Variants in ZNF385D observed in about 807,000 individuals in gnomAD.
The protein encoded by ZNF385D is zinc finger protein 385D, also known as zinc finger protein 659.
ZNF385D carries 15 observed loss-of-function variants against 35.8 expected under a neutral mutation model. The ratio of observed to expected loss-of-function variants is 0.42; its 90% CI spans 0.28 to 0.64. The LOEUF is 0.64. Among genes scored for constraint, ZNF385D ranks in the 30% least tolerant of loss-of-function variants. The pLI is 0.23. For missense variants in ZNF385D, 474 were observed against 494.6 expected (o/e 0.96, Z 0.39); for synonymous variants, 212 against 186.8 (o/e 1.13, Z -1.10).
intron 4 of ZNF385D, among the ~76,000 whole-genome samples, chr3:21,488,006 C>T (rs1407626094): frequency 2.0e-5 from 3 of 152,080 alleles, no homozygotes; most frequent in African/African-American, 7.2e-5. Flanking sequence ...TCCTCAAGAG[C>T]TTCCACAATG....
At chr3:22,346,509 G>A (rs147295385) in intron 2 of ZNF385D, among the ~76,000 whole-genome samples, 13 of 152,196 alleles carry the variant, frequency 8.5e-5, no homozygotes, top group Non-Finnish European at 1.0e-4. Flanking sequence ...CAACTTACGA[G>A]TTTACAAATT....
intron 2 of ZNF385D, among the ~76,000 whole-genome samples, chr3:21,641,548 G>A (rs1006428148): frequency 2.7e-5 from 4 of 149,576 alleles, no homozygotes; most frequent in East Asian, 2.0e-4. Context: ...ACATCTCTCC[G>A]TTCTCTCTAT....
chr3:21,941,083 C>G (rs1376117440), intron 3 of ZNF385D, among the ~76,000 whole-genome samples: 1 of 152,124 alleles, frequency 6.6e-6, no homozygotes, highest in Non-Finnish European at 1.5e-5. Context: ...AAAGATGACA[C>G]AATTTAACAC....
chr3:22,231,710 G>A (rs1325522838), intron 2 of ZNF385D, among the ~76,000 whole-genome samples: 1 of 152,166 alleles, frequency 6.6e-6, no homozygotes, highest in East Asian at 1.9e-4. Flanking sequence ...CCTGGGGCAA[G>A]GAGCAGAGCA....
intron 4 of ZNF385D, among the ~76,000 whole-genome samples, chr3:21,457,426 G>A (rs898587795): frequency 5.9e-5 from 9 of 151,974 alleles, no homozygotes; most frequent in African/African-American, 2.2e-4. Flanking sequence ...CATGATCTCA[G>A]CTCACTGCAA....
intron 3 of ZNF385D, among the ~76,000 whole-genome samples, chr3:21,926,713 G>A (rs568360667): frequency 1.3e-5 from 2 of 152,226 alleles, no homozygotes; most frequent in South Asian, 4.1e-4. Context: ...GAAAACCTAG[G>A]CAATACCATT....
chr3:21,979,105 T>C (rs899562218), intron 3 of ZNF385D, among the ~76,000 whole-genome samples: 1 of 152,174 alleles, frequency 6.6e-6, no homozygotes, highest in Non-Finnish European at 1.5e-5. Context: ...CAATTTTTTT[T>C]CAATGGTGAC....
At chr3:22,097,260 A>G (rs1195578657) in intron 3 of ZNF385D, among the ~76,000 whole-genome samples, 1 of 152,046 alleles carries the variant, frequency 6.6e-6, no homozygotes, top group Non-Finnish European at 1.5e-5. Flanking sequence ...AGAGCAATAG[A>G]TAACTGAACT....
chr3:22,287,790 T>C (rs1349253357), intron 2 of ZNF385D, among the ~76,000 whole-genome samples: 1 of 152,074 alleles, frequency 6.6e-6, no homozygotes, highest in African/African-American at 2.4e-5. Context: ...AACTTACACA[T>C]TGCCATTATA....
At chr3:21,870,974 G>T (rs886383933) in intron 3 of ZNF385D, among the ~76,000 whole-genome samples, 1 of 152,074 alleles carries the variant, frequency 6.6e-6, no homozygotes, top group African/African-American at 2.4e-5. Context: ...AGATTTTTCA[G>T]ATGTAAAATG....
intron 3 of ZNF385D, among the ~76,000 whole-genome samples, chr3:21,923,293 C>G (rs1469102907): frequency 6.6e-6 from 1 of 151,426 alleles, no homozygotes; most frequent in Non-Finnish European, 1.5e-5. Context: ...AAATGCAAAT[C>G]AAAACCACAA....
intron 2 of ZNF385D, among the ~76,000 whole-genome samples, chr3:21,585,483 C>T (rs28369086): frequency 0.17 from 25,539 of 152,140 alleles, 2,178 homozygotes; most frequent in East Asian, 0.26. Context: ...TAACCATTTG[C>T]ATTTTGTAAA....
rs560952320 is a variant in ZNF385D at position 21,734,895 on chromosome 3, T to C, written c.22+16000A>G. On this transcript the variant is annotated intron_variant, in intron 1 of 7. Transcript: ENST00000281523. Reference sequence around the variant, plus strand: ...CATTAGGGATGATTATTGCATTTACTAGAGATAAATGATGCACACTGCTGA... The same window carrying C: ...CATTAGGGATGATTATTGCATTTACCAGAGATAAATGATGCACACTGCTGA... Among the ~76,000 whole-genome samples the C allele has an allele frequency of 2.6e-5, 4 of 152,198 alleles. No homozygotes were observed. In the East Asian group the frequency reaches 7.8e-4, roughly 29 times the overall value.
At chr3:21,512,145 CAAAAAAAAA>C (rs35276805) in intron 3 of ZNF385D, among the ~76,000 whole-genome samples, 2 of 90,352 alleles carry the variant, frequency 2.2e-5, no homozygotes, top group East Asian at 6.4e-4. Context: ...GACTCCATCT[CAAAAAAAAA>C]AAAAAAAAAA....
Position 21,937,780 on chromosome 3 carries a change from T to C in ZNF385D, c.325+231037A>G, listed in dbSNP as rs147213346. Among the ~76,000 whole-genome samples, 15 of 152,352 alleles carry C rather than the reference T, an allele frequency of 9.8e-5. No individual in the cohort carries two copies. The East Asian group carries it at 2.3e-3, about 23-fold the overall frequency. ...TGTTTCAGTAATTTTAAATGTTTTA[T>C]ACATTCTCTAAGGTCTTATCAACCC... On this transcript the variant is annotated intron_variant, in intron 3 of 5. Coordinates refer to the ZNF385D transcript ENST00000494108.
chr3:21,812,068 G>A (rs1247209426), intron 3 of ZNF385D, among the ~76,000 whole-genome samples: 1 of 151,894 alleles, frequency 6.6e-6, no homozygotes, highest in African/African-American at 2.4e-5. Flanking sequence ...GAAAACACAA[G>A]GAATTTAAGA....
At chr3:21,873,254 T>C (rs1697791223) in intron 3 of ZNF385D, among the ~76,000 whole-genome samples, 2 of 150,616 alleles carry the variant, frequency 1.3e-5, no homozygotes, top group African/African-American at 4.8e-5. Context: ...GTGGTTAACA[T>C]ACAGAATCAT....
chr3:22,262,396 G>C (rs1380283022), intron 2 of ZNF385D, among the ~76,000 whole-genome samples: 3 of 151,864 alleles, frequency 2.0e-5, no homozygotes, highest in Non-Finnish European at 4.4e-5. Context: ...AAGTTGATGA[G>C]ATAATGCCAT....
At chr3:22,095,093 T>TTC (rs1701543751) in intron 3 of ZNF385D, among the ~76,000 whole-genome samples, 1 of 57,120 alleles carries the variant, frequency 1.8e-5, no homozygotes, top group African/African-American at 1.0e-4. Context: ...TCTTTCTTTT[T>TTC]TTTTTTTTTT....
Sources: allele counts gnomAD v4.1 joint callset (sites outside exome capture counted in the v4.1 genomes callset), GRCh38; gene constraint gnomAD v4.1.1; transcripts MANE v1.5; gene names NCBI Gene and HGNC (gene_info 2026-07-23, HGNC 2026-07-21).